RNLS: variants seen among roughly 807,000 people sequenced by gnomAD.
RNLS encodes the protein renalase.
A neutral mutation model predicts 39.8 loss-of-function variants in RNLS; 39 were observed. The ratio of observed to expected loss-of-function variants is 0.98; its 90% CI spans 0.76 to 1.28. The LOEUF is 1.28. RNLS is among the 50% of genes most tolerant of loss of function. RNLS has a pLI of 0.00. For synonymous variants in RNLS, 147 were observed against 150.7 expected, an observed-to-expected ratio of 0.98 and a Z score of 0.18; for missense variants, 410 against 413.3, an observed-to-expected ratio of 0.99 and a Z score of 0.07.
chr10:88,537,926 T>C (rs1847851554), intron 4 of RNLS, among the ~76,000 whole-genome samples: 1 of 152,160 alleles, frequency 6.6e-6, no homozygotes, highest in South Asian at 2.1e-4. Flanking sequence ...TGATGATAAG[T>C]TTGCAGGCAA....
the RNLS span, among the ~76,000 whole-genome samples, chr10:88,250,727 G>T: frequency 3.3e-5 from 5 of 152,242 alleles, no homozygotes; most frequent in African/African-American, 1.2e-4. Flanking sequence ...ATAACCAAAG[G>T]CCGGATTCCG....
intron 6 of RNLS, among the ~76,000 whole-genome samples, chr10:88,275,825 CAAG>C (rs79555247): frequency 5.3e-5 from 8 of 151,980 alleles, no homozygotes; most frequent in East Asian, 1.9e-4. Context: ...GAGGCTGAGG[CAAG>C]AAGATCACTT....
chr10:88,564,285 T>C (rs1480894708), intron 4 of RNLS, among the ~76,000 whole-genome samples: 2 of 151,474 alleles, frequency 1.3e-5, no homozygotes, highest in African/African-American at 2.4e-5. Context: ...AAGCTCAACA[T>C]TGTGTTTTGA....
intron 4 of RNLS, among the ~76,000 whole-genome samples, chr10:88,535,441 G>A (rs1231995693): frequency 6.6e-6 from 1 of 151,798 alleles, no homozygotes; most frequent in African/African-American, 2.4e-5. Flanking sequence ...GTGGGGGAGG[G>A]GTTGGGGGAG....
chr10:88,575,183 T>TTATA (rs1382801022), intron 3 of RNLS, among the ~76,000 whole-genome samples: 1 of 110,446 alleles, frequency 9.1e-6, no homozygotes, highest in Non-Finnish European at 1.8e-5. Context: ...CACACACATA[T>TTATA]TATATATATA....
At chr10:88,486,630 T>C (rs954645245) in intron 4 of RNLS, among the ~76,000 whole-genome samples, 1 of 152,044 alleles carries the variant, frequency 6.6e-6, no homozygotes, top group Non-Finnish European at 1.5e-5. Context: ...CACTGATCAC[T>C]AGAGAACTGC....
chr10:88,171,593 A>G, the RNLS span, among the ~76,000 whole-genome samples: 5 of 152,196 alleles, frequency 3.3e-5, no homozygotes, highest in African/African-American at 9.7e-5. Flanking sequence ...ATCATTGTAC[A>G]TATTTGTGGG....
chr10:88,410,349 T>A (rs1853578431), intron 4 of RNLS, among the ~76,000 whole-genome samples: 1 of 152,152 alleles, frequency 6.6e-6, no homozygotes. Context: ...ACTTTATTCT[T>A]ATTTTCATTG....
chr10:88,532,229 ATAATACACTG>A (rs1436144601), intron 4 of RNLS, among the ~76,000 whole-genome samples: 1 of 152,102 alleles, frequency 6.6e-6, no homozygotes, highest in Non-Finnish European at 1.5e-5. Flanking sequence ...ATCATTGTGT[ATAATACACTG>A]ATGCACACTT....
intron 4 of RNLS, among the ~76,000 whole-genome samples, chr10:88,540,938 A>C (rs1224347451): frequency 2.6e-5 from 4 of 151,438 alleles, no homozygotes; most frequent in Non-Finnish European, 5.9e-5. Context: ...TGTCACCATG[A>C]TCAGAGTCAC....
the RNLS span, among the ~76,000 whole-genome samples, chr10:88,214,016 C>T: frequency 3.3e-5 from 5 of 152,262 alleles, no homozygotes; most frequent in Non-Finnish European, 7.3e-5. Context: ...CAGGACTCAA[C>T]AGGATAATCA....
intron 4 of RNLS, among the ~76,000 whole-genome samples, chr10:88,448,207 C>T (rs1842152427): frequency 6.6e-6 from 1 of 152,176 alleles, no homozygotes; most frequent in Admixed American, 6.5e-5. Context: ...AAACTACCAT[C>T]AGAGTGAACA....
the RNLS span, among the ~76,000 whole-genome samples, chr10:88,205,605 C>G: frequency 2.6e-5 from 4 of 152,128 alleles, no homozygotes; most frequent in Admixed American, 6.6e-5. Flanking sequence ...TACAAAGAGG[C>G]CAAGGTACTA....
At chr10:88,454,543 A>G (rs919872089) in intron 4 of RNLS, among the ~76,000 whole-genome samples, 8 of 152,172 alleles carry the variant, frequency 5.3e-5, no homozygotes, top group African/African-American at 1.7e-4. Flanking sequence ...TATCTGTTAG[A>G]ATTTATAAAT....
chr10:88,571,254 T>C (rs1023826666), intron 4 of RNLS, among the ~76,000 whole-genome samples: 3 of 152,122 alleles, frequency 2.0e-5, no homozygotes, highest in African/African-American at 7.2e-5. Context: ...AGTGCTGGGA[T>C]TATAGGCATG....
At chr10:88,443,198 C>G (rs1226361510) in intron 4 of RNLS, among the ~76,000 whole-genome samples, 3 of 152,150 alleles carry the variant, frequency 2.0e-5, no homozygotes, top group African/African-American at 7.2e-5. Context: ...TGGGATTTTC[C>G]ATAAAAATGC....
At chr10:88,561,438 T>A (rs1849182438) in intron 4 of RNLS, among the ~76,000 whole-genome samples, 1 of 152,124 alleles carries the variant, frequency 6.6e-6, no homozygotes, top group Non-Finnish European at 1.5e-5. Context: ...GGAATTTCAA[T>A]TTAGTGGGCA....
At chr10:88,281,000 TG>T (rs1385413092), downstream of RNLS, among the ~76,000 whole-genome samples, 1 of 152,160 alleles carries the variant, frequency 6.6e-6, no homozygotes, top group African/African-American at 2.4e-5. Context: ...AACTGTTGAG[TG>T]GACAATAATT....
intron 4 of RNLS, among the ~76,000 whole-genome samples, chr10:88,367,964 T>G (rs1032547959): frequency 6.6e-6 from 1 of 152,120 alleles, no homozygotes; most frequent in Non-Finnish European, 1.5e-5. Context: ...ACCCTCTTAA[T>G]AGTATGATTT....
Sources: allele counts gnomAD v4.1 joint callset (sites outside exome capture counted in the v4.1 genomes callset), GRCh38; gene constraint gnomAD v4.1.1; transcripts MANE v1.5; gene names NCBI Gene and HGNC (gene_info 2026-07-23, HGNC 2026-07-21).